Variants in NBAS observed in about 807,000 individuals in gnomAD.
NBAS encodes the protein NAG/BC035112 fusion.
Under a neutral mutation model 302.5 loss-of-function variants are expected in NBAS, and 219 were observed. That is an observed-to-expected ratio of 0.72 (90% CI 0.65 to 0.81). The LOEUF (loss-of-function observed/expected upper bound fraction) is 0.81, where lower values mean the gene tolerates loss of function less well. Ranked by LOEUF, NBAS falls within the 30% of genes least tolerant of loss-of-function variation. The pLI, the probability that NBAS is intolerant of heterozygous loss-of-function variation, is 0.00. For synonymous variants in NBAS, 1,118 were observed against 1,021.6 expected, an observed-to-expected ratio of 1.09 and a Z score of -1.80; for missense variants, 2,932 against 2,841.6, an observed-to-expected ratio of 1.03 and a Z score of -0.72.
chr2:15,006,067 T>C, the NBAS span, among the ~76,000 whole-genome samples: 5 of 152,204 alleles, frequency 3.3e-5, no homozygotes, highest in African/African-American at 1.2e-4. Flanking sequence ...GTAATGAACT[T>C]GGTAAAATAC....
At chr2:14,836,793 T>C in the NBAS span, among the ~76,000 whole-genome samples, 26 of 151,858 alleles carry the variant, frequency 1.7e-4, no homozygotes, top group African/African-American at 6.0e-4. Context: ...GATAACTTTC[T>C]TAGATTAAGT....
chr2:15,250,053 C>A (rs10193418), intron 44 of NBAS, among the ~76,000 whole-genome samples: 41,057 of 152,042 alleles, frequency 0.27, 6,773 homozygotes, highest in African/African-American at 0.47. Flanking sequence ...TGCTACCTGA[C>A]TTCAAACTAT....
At chr2:15,182,814 C>G (rs1664889799) in intron 50 of NBAS, among the ~76,000 whole-genome samples, 1 of 152,150 alleles carries the variant, frequency 6.6e-6, no homozygotes, top group Non-Finnish European at 1.5e-5. Flanking sequence ...TATTTTCCAT[C>G]AGGAAAACCA....
chr2:15,481,904 C>T (rs940472211), intron 12 of NBAS, among the ~76,000 whole-genome samples: 3 of 152,146 alleles, frequency 2.0e-5, no homozygotes, highest in South Asian at 2.1e-4. Flanking sequence ...CTAAAAACAT[C>T]GCTCTCTCCC....
the NBAS span, among the ~76,000 whole-genome samples, chr2:14,922,074 A>G: frequency 3.9e-5 from 6 of 152,228 alleles, no homozygotes; most frequent in Non-Finnish European, 7.3e-5. Context: ...GAGGTGGAGC[A>G]TATTAAACTA....
At chr2:15,446,835 CTAT>C in intron 21 of NBAS, among the ~76,000 whole-genome samples, 1 of 149,972 alleles carries the variant, frequency 6.7e-6, no homozygotes, top group African/African-American at 2.4e-5. Context: ...TGAAGTTAGA[CTAT>C]TATAAGTTAA....
the NBAS span, among the ~76,000 whole-genome samples, chr2:14,826,775 T>C: frequency 6.6e-6 from 1 of 152,202 alleles, no homozygotes; most frequent in East Asian, 1.9e-4. Flanking sequence ...CATTCAACCC[T>C]ACCCTAAACC....
the NBAS span, among the ~76,000 whole-genome samples, chr2:14,876,731 T>C: frequency 6.6e-6 from 1 of 152,368 alleles, no homozygotes; most frequent in East Asian, 1.9e-4. Context: ...TATTTCCTTT[T>C]GATTGTACAG....
chr2:15,017,414 T>A, the NBAS span, among the ~76,000 whole-genome samples: 1 of 151,972 alleles, frequency 6.6e-6, no homozygotes, highest in Non-Finnish European at 1.5e-5. Flanking sequence ...AAACTATTCA[T>A]CCAACTGGAA....
the NBAS span, among the ~76,000 whole-genome samples, chr2:14,798,540 T>G: frequency 6.6e-6 from 1 of 152,148 alleles, no homozygotes; most frequent in Non-Finnish European, 1.5e-5. Flanking sequence ...CTGTCAAAAT[T>G]TTTTTAGTAA....
chr2:15,339,255 C>A (rs1672740751), intron 35 of NBAS, among the ~76,000 whole-genome samples: 1 of 152,022 alleles, frequency 6.6e-6, no homozygotes, highest in Non-Finnish European at 1.5e-5. Context: ...ATTTGGCATG[C>A]CTACTATGTT....
intron 9 of NBAS, 109 bp from the exon 10 acceptor site, chr2:15,511,459 T>A: frequency 1.1e-6 from 1 of 918,794 alleles, no homozygotes. Flanking sequence ...CAAGTACTAT[T>A]AATATATGTT....
the NBAS span, among the ~76,000 whole-genome samples, chr2:15,153,006 G>A: frequency 1.3e-5 from 2 of 152,144 alleles, no homozygotes; most frequent in African/African-American, 4.8e-5. Flanking sequence ...AGATACAATT[G>A]GTGAAAGAAC....
chr2:15,153,052 C>G, the NBAS span, among the ~76,000 whole-genome samples: 1 of 152,128 alleles, frequency 6.6e-6, no homozygotes, highest in Non-Finnish European at 1.5e-5. Flanking sequence ...CACCAAGATG[C>G]TGAAGGAAAT....
the NBAS span, among the ~76,000 whole-genome samples, chr2:14,980,542 C>T: frequency 7.9e-5 from 12 of 152,210 alleles, no homozygotes; most frequent in African/African-American, 1.9e-4. Context: ...CCCAACAAAA[C>T]GGGCAACTTG....
the NBAS span, among the ~76,000 whole-genome samples, chr2:14,782,774 C>T: frequency 1.3e-5 from 2 of 152,076 alleles, no homozygotes; most frequent in Non-Finnish European, 2.9e-5. Context: ...TACTACACAG[C>T]CATAAAAAAG....
chr2:15,276,709 TA>T, intron 43 of NBAS, 141 bp downstream of exon 43: 1 of 1,243,280 alleles, frequency 8.0e-7, no homozygotes, highest in East Asian at 2.5e-5. Flanking sequence ...GTTGGAAAGA[TA>T]ATAACTAAAG....
At chr2:14,990,474 T>C in the NBAS span, among the ~76,000 whole-genome samples, 1 of 151,832 alleles carries the variant, frequency 6.6e-6, no homozygotes, top group Admixed American at 6.6e-5. Context: ...CCACTGAAAA[T>C]TTCTGGCACA....
intron 21 of NBAS, among the ~76,000 whole-genome samples, chr2:15,440,190 G>A (rs910836090): frequency 7.9e-5 from 12 of 152,302 alleles, no homozygotes; most frequent in Middle Eastern, 3.4e-3. Context: ...ATCTGAGAAC[G>A]GGCAGACTGC....
Sources: gnomAD v4.1 joint callset for allele counts (sites outside exome capture counted in the v4.1 genomes callset) on GRCh38, gnomAD v4.1.1 for gene constraint, MANE v1.5 for transcripts, NCBI Gene and HGNC (gene_info 2026-07-23, HGNC 2026-07-21) for gene names.